The following WAPL variants were observed in gnomAD, a reference collection of about 807,000 sequenced individuals.
The protein encoded by WAPL is WAPL cohesin release factor.
WAPL carries 5 observed loss-of-function variants against 121.0 expected under a neutral mutation model. The ratio of observed to expected loss-of-function variants is 0.04; its 90% CI spans 0.02 to 0.09. The LOEUF is 0.09. Ranked by LOEUF, WAPL falls within the 10% of genes least tolerant of loss-of-function variation. The pLI, the probability that WAPL is intolerant of heterozygous loss-of-function variation, is 1.00. For missense variants in WAPL, 999 were observed against 1,410.8 expected, an observed-to-expected ratio of 0.71 and a Z score of 4.68; for synonymous variants, 480 against 481.5, an observed-to-expected ratio of 1.00 and a Z score of 0.04.
At chr10:86,497,387 A>C in intron 3 of WAPL, 68 bp from the exon 4 acceptor site, 1 of 1,124,106 alleles carries the variant, frequency 8.9e-7, no homozygotes, top group Non-Finnish European at 1.3e-6. Flanking sequence ...ACCTATCAAG[A>C]TTATATATAC....
intron 2 of WAPL, among the ~76,000 whole-genome samples, chr10:86,513,637 C>T (rs1271032544): frequency 6.6e-6 from 1 of 152,052 alleles, no homozygotes. Flanking sequence ...AAGTACTATC[C>T]GTTATAAAAG....
chr10:86,520,626 A>G (rs1357645663), intron 1 of WAPL, among the ~76,000 whole-genome samples: 2 of 152,188 alleles, frequency 1.3e-5, no homozygotes, highest in Admixed American at 6.5e-5. Flanking sequence ...TTTCAAGTAC[A>G]CAATCTTGCT....
chr10:86,453,186 G>A, intron 14 of WAPL, 34 bp downstream of exon 14: 1 of 1,575,852 alleles, frequency 6.3e-7, no homozygotes. Flanking sequence ...TATTAGATAT[G>A]ATACTCATTT....
intron 2 of WAPL, among the ~76,000 whole-genome samples, chr10:86,506,221 C>T (rs1033924406): frequency 6.6e-6 from 1 of 151,622 alleles, no homozygotes; most frequent in Non-Finnish European, 1.5e-5. Flanking sequence ...GGCAACAGAG[C>T]GAGACCATCT....
In WAPL at chr10:86,521,607, C is replaced by T; in HGVS notation, c.-265G>A. 2.2e-6 allele frequency: 1 copy of T among 454,248 alleles called. No individual in the cohort carries two copies. Among genetic ancestry groups the T allele is most frequent in the South Asian group, 1.6e-5 (1 of 62,460 alleles). The allele number at this position is 454,248 out of a possible 1,614,324, so 28.1% of individuals were successfully genotyped here. On this transcript the variant is annotated 5_prime_UTR_variant, in exon 1 of 19. Transcript: ENST00000298767. ...CGGGCCCAGGCCTAGCTCTCGCTGG[C>T]CGCCACTGCTGGAGCTGGTAACAGA...
rs141880435 is a variant in WAPL at position 86,445,128 on chromosome 10, A to G, written c.3322+1114T>C. On this transcript the variant is annotated intron_variant, in intron 16 of 18. Transcript: ENST00000298767. The stretch of plus-strand genomic sequence containing the variant: ...TGGTTCCAGGATGCCAGCACCCTCC[A>G]ATACCAAAACTGGAGGAGGCTCAAA... Among the ~76,000 whole-genome samples, 383 of 152,236 alleles carry G rather than the reference A, an allele frequency of 2.5e-3. 3 individuals carry two copies. Among genetic ancestry groups the G allele is most frequent in the African/African-American group, 8.8e-3 (365 of 41,528 alleles).
chr10:86,503,613 C>T (rs569116918), intron 2 of WAPL, among the ~76,000 whole-genome samples: 3 of 151,964 alleles, frequency 2.0e-5, no homozygotes, highest in South Asian at 2.1e-4. Flanking sequence ...ATGAGCCAGG[C>T]GTGGTGGCGG....
intron 4 of WAPL, among the ~76,000 whole-genome samples, chr10:86,475,508 TTAATA>T (rs1331553204): frequency 2.0e-5 from 3 of 152,236 alleles, no homozygotes; most frequent in Admixed American, 6.5e-5. Flanking sequence ...TCGTTAGCTT[TTAATA>T]TATTATCTCT....
intron 2 of WAPL, among the ~76,000 whole-genome samples, chr10:86,513,444 C>CCT (rs35377761): frequency 1 from 152,245 of 152,276 alleles, 76,107 homozygotes; most frequent in Middle Eastern, 1. Flanking sequence ...AAGCAGTTCC[C>CCT]GCCTCAGTGT....
chr10:86,519,770 A>T (rs550523960), intron 1 of WAPL, among the ~76,000 whole-genome samples: 1 of 152,368 alleles, frequency 6.6e-6, no homozygotes, highest in East Asian at 1.9e-4. Context: ...CTGTAAGTGT[A>T]CGTACACATA....
At chr10:86,457,135 T>C (rs1371641078) in intron 12 of WAPL, among the ~76,000 whole-genome samples, 1 of 152,178 alleles carries the variant, frequency 6.6e-6, no homozygotes, top group East Asian at 1.9e-4. Context: ...TTAACTTCAA[T>C]AATCTTTGGT....
rs538502511 is a variant in WAPL, at chr10:86,487,751, C to T, written c.1644+9450G>A. 4.6e-5 allele frequency among the ~76,000 whole-genome samples: 7 copies of T among 152,110 alleles called. No homozygotes were observed. In the East Asian group the frequency reaches 5.8e-4, roughly 13 times the overall value. On this transcript the variant is annotated intron_variant, in intron 4 of 18. Transcript: ENST00000298767. Reference sequence around the variant, plus strand: ...TAAAAAATACCAAAAAAAAATTAGCCGGGCATGGTGGTGGGCGCCTGTAGT... The same window carrying T: ...TAAAAAATACCAAAAAAAAATTAGCTGGGCATGGTGGTGGGCGCCTGTAGT...
At chr10:86,467,532 A>C in intron 8 of WAPL, 26 bp from the exon 9 acceptor site, 1 of 1,560,558 alleles carries the variant, frequency 6.4e-7, no homozygotes, top group Non-Finnish European at 8.7e-7. Context: ...AAAAGAAAAG[A>C]AAAAAAACTT....
At chr10:86,520,156 G>A (rs142144158) in intron 1 of WAPL, among the ~76,000 whole-genome samples, 2 of 152,108 alleles carry the variant, frequency 1.3e-5, no homozygotes, top group African/African-American at 4.8e-5. Flanking sequence ...TTAGCCGGGC[G>A]TGGTGGCGCA....
chr10:86,481,538 T>C (rs960135997), intron 4 of WAPL, among the ~76,000 whole-genome samples: 8 of 152,110 alleles, frequency 5.3e-5, no homozygotes, highest in Admixed American at 1.3e-4. Context: ...CACGCCCAGC[T>C]AATTTTGTAT....
Position 86,500,654 on chromosome 10 carries a change from C to T in WAPL, c.589G>A (p.Glu197Lys), listed in dbSNP as rs752738376. 3.1e-6 allele frequency: 5 copies of T among 1,613,662 alleles called. No individual in the cohort carries two copies. Among genetic ancestry groups the T allele is most frequent in the Non-Finnish European group, 4.2e-6 (5 of 1,179,918 alleles). The change falls in exon 3 of 19, where the codon GAA becomes AAA. Residue 197 changes from glutamate to lysine, a missense_variant. By Grantham distance (56) the Glu-to-Lys change is moderately conservative (BLOSUM62 1). Transcript: ENST00000298767. ...TTGATTTCAGAAGCCACTGTAGTTT[C>T]TGCATTGGGTTTCTTAGTACTGTCA... ...ADDSTKKPNA[E>K]TTVASEIKET...
chr10:86,475,708 C>T (rs1841635871), intron 4 of WAPL, among the ~76,000 whole-genome samples: 1 of 152,228 alleles, frequency 6.6e-6, no homozygotes, highest in Non-Finnish European at 1.5e-5. Context: ...AAACCAACCT[C>T]TCTATTCCTT....
Position 86,521,647 on chromosome 10 carries a change from C to T in WAPL, c.-305G>A, listed in dbSNP as rs147871802. The T allele has an allele frequency of 7.0e-3, 3,239 of 461,740 alleles. 17 individuals are homozygous for T. Among genetic ancestry groups the T allele is most frequent in the Non-Finnish European group, 0.01 (2,255 of 223,806 alleles). 28.6% of individuals were successfully genotyped at this position (461,740 alleles called of 1,614,324 possible). On this transcript the variant is annotated 5_prime_UTR_variant, in exon 1 of 19. Transcript: ENST00000298767. ...CTGGTAACAGAGCCTGCTGTGTGCC[C>T]CCGCTGGGCCGCCGCCGCCTCCTGC...
intron 4 of WAPL, among the ~76,000 whole-genome samples, chr10:86,485,070 CCCCCACTCA>C (rs934460679): frequency 2.8e-5 from 4 of 141,730 alleles, no homozygotes; most frequent in Non-Finnish European, 6.2e-5. Context: ...CTCCCATCTC[CCCCCACTCA>C]CCCCCCAACC....
Sources: allele counts gnomAD v4.1 joint callset (sites outside exome capture counted in the v4.1 genomes callset), GRCh38; gene constraint gnomAD v4.1.1; transcripts MANE v1.5; gene names NCBI Gene and HGNC (gene_info 2026-07-23, HGNC 2026-07-21).